Variants in SYN2 observed in about 807,000 individuals in gnomAD.
The protein encoded by SYN2 is synapsin II.
A neutral mutation model predicts 50.9 loss-of-function variants in SYN2; 19 were observed. That is an observed-to-expected ratio of 0.37 (90% confidence interval 0.26 to 0.55). SYN2 has a LOEUF of 0.55. Among genes scored for constraint, SYN2 ranks in the 20% least tolerant of loss-of-function variants. The pLI is 0.81. For synonymous variants in SYN2, 255 were observed against 224.9 expected (o/e 1.13, Z -1.20); for missense variants, 587 against 576.4 (o/e 1.02, Z -0.19).
intron 1 of SYN2, among the ~76,000 whole-genome samples, chr3:12,135,986 A>G (rs757532654): frequency 6.6e-6 from 1 of 152,258 alleles, no homozygotes; most frequent in Non-Finnish European, 1.5e-5. Flanking sequence ...TCACATATGG[A>G]TCATCCCTGC....
chr3:12,169,986 G>A (rs1473349561), intron 10 of SYN2, 80 bp downstream of exon 10: 4 of 1,491,554 alleles, frequency 2.7e-6, no homozygotes, highest in Non-Finnish European at 2.7e-6. Context: ...GCTAAAGAAT[G>A]GAGTACAGGC....
At chr3:12,136,088 A>C (rs190220396) in intron 1 of SYN2, among the ~76,000 whole-genome samples, 2 of 152,338 alleles carry the variant, frequency 1.3e-5, no homozygotes, top group Admixed American at 1.3e-4. Flanking sequence ...AGGTGGTATC[A>C]GATGATGATG....
chr3:12,110,795 C>G (rs1384488717), intron 1 of SYN2, among the ~76,000 whole-genome samples: 2 of 152,212 alleles, frequency 1.3e-5, no homozygotes, highest in Non-Finnish European at 2.9e-5. Flanking sequence ...CCTGCAGCCC[C>G]TTTGTTTTGG....
chr3:12,097,926 G>A (rs1412676532), intron 1 of SYN2, among the ~76,000 whole-genome samples: 1 of 152,092 alleles, frequency 6.6e-6, no homozygotes, highest in Non-Finnish European at 1.5e-5. Context: ...AATGGGTGCA[G>A]CATACCAGCA....
At chr3:12,140,451 A>G (rs1255854574) in intron 1 of SYN2, among the ~76,000 whole-genome samples, 200 bp from the exon 2 acceptor site, 1 of 152,198 alleles carries the variant, frequency 6.6e-6, no homozygotes, top group African/African-American at 2.4e-5. Flanking sequence ...GGATTATTTT[A>G]TAGATGGGTA....
At chr3:12,100,652 C>T (rs1420505589) in intron 1 of SYN2, among the ~76,000 whole-genome samples, 4 of 152,110 alleles carry the variant, frequency 2.6e-5, no homozygotes, top group East Asian at 1.9e-4. Context: ...TTATGTTCTT[C>T]ATGGGATACT....
intron 5 of SYN2, chr3:12,153,416 C>A (rs890057543): frequency 2.4e-5 from 33 of 1,373,268 alleles, no homozygotes; most frequent in Non-Finnish European, 3.4e-5. Context: ...TATTAGCTGG[C>A]AGCAAGAGGT....
intron 1 of SYN2, among the ~76,000 whole-genome samples, chr3:12,077,282 T>A (rs1695486846): frequency 6.6e-6 from 1 of 152,080 alleles, no homozygotes; most frequent in South Asian, 2.1e-4. Context: ...AATCAAACCT[T>A]GCATAGAATT....
intron 1 of SYN2, among the ~76,000 whole-genome samples, chr3:12,123,650 AT>A (rs772072645): frequency 1.3e-5 from 2 of 152,124 alleles, no homozygotes; most frequent in Admixed American, 6.5e-5. Context: ...GATGGAGACA[AT>A]TATAGACAAG....
intron 1 of SYN2, among the ~76,000 whole-genome samples, chr3:12,125,996 A>G (rs1218853065): frequency 1.3e-5 from 2 of 152,198 alleles, no homozygotes; most frequent in African/African-American, 4.8e-5. Context: ...AATGACAGAG[A>G]CAGACTAGAG....
At chr3:12,020,339 A>G (rs1330305599) in intron 1 of SYN2, among the ~76,000 whole-genome samples, 2 of 47,072 alleles carry the variant, frequency 4.2e-5, no homozygotes, top group Non-Finnish European at 4.0e-5. Context: ...CTGGCCCCCC[A>G]CATAATTAGT....
intron 1 of SYN2, among the ~76,000 whole-genome samples, chr3:12,027,815 T>C (rs949444657): frequency 1.8e-4 from 27 of 152,170 alleles, no homozygotes; most frequent in African/African-American, 6.3e-4. Context: ...GCTATTAATA[T>C]TTCATGGCCC....
intron 5 of SYN2, among the ~76,000 whole-genome samples, chr3:12,155,824 C>G (rs953252184): frequency 1.3e-5 from 2 of 152,204 alleles, no homozygotes; most frequent in South Asian, 2.1e-4. Context: ...AGGGCAGGTG[C>G]TTAGGAAGGA....
intron 1 of SYN2, among the ~76,000 whole-genome samples, chr3:12,137,247 C>CA (rs551962770): frequency 0.084 from 8,184 of 97,726 alleles, 284 homozygotes; most frequent in Middle Eastern, 0.17. Context: ...GATCCTGTCT[C>CA]AAAAAAAAAA....
chr3:12,126,803 G>A (rs1175787448), intron 1 of SYN2, among the ~76,000 whole-genome samples: 1 of 152,194 alleles, frequency 6.6e-6, no homozygotes, highest in African/African-American at 2.4e-5. Context: ...ACAGGTACTA[G>A]TGCTTAATAG....
chr3:12,161,181 A>G (rs1304019800), intron 5 of SYN2, among the ~76,000 whole-genome samples: 2 of 152,270 alleles, frequency 1.3e-5, no homozygotes, highest in Non-Finnish European at 1.5e-5. Flanking sequence ...CAGGTTTATT[A>G]AAGTACATCT....
chr3:12,132,731 T>C (rs1696821293), intron 1 of SYN2, among the ~76,000 whole-genome samples: 2 of 152,250 alleles, frequency 1.3e-5, no homozygotes, highest in Admixed American at 1.3e-4. Flanking sequence ...TTACAGCTTG[T>C]ACAAGATGGG....
chr3:12,049,543 A>AAAAAATC (rs1192621380), intron 1 of SYN2, among the ~76,000 whole-genome samples: 1 of 151,210 alleles, frequency 6.6e-6, no homozygotes, highest in Non-Finnish European at 1.5e-5. Flanking sequence ...AATAAAAAAT[A>AAAAAATC]AAAAAACTGA....
intron 1 of SYN2, among the ~76,000 whole-genome samples, chr3:12,102,660 C>T (rs1385282155): frequency 6.6e-6 from 1 of 152,096 alleles, no homozygotes; most frequent in Admixed American, 6.5e-5. Context: ...GCATGGTCTT[C>T]AGAATAATGT....
Sources: gnomAD v4.1 joint callset for allele counts (sites outside exome capture counted in the v4.1 genomes callset) on GRCh38, gnomAD v4.1.1 for gene constraint, MANE v1.5 for transcripts, NCBI Gene and HGNC (gene_info 2026-07-23, HGNC 2026-07-21) for gene names.